The following COL6A6 variants were observed in gnomAD, a reference collection of about 807,000 sequenced individuals.
COL6A6 encodes collagen alpha-6(VI) chain.
Under a neutral mutation model 208.6 loss-of-function variants are expected in COL6A6, and 183 were observed. The observed-to-expected ratio is 0.88, with a 90% CI of 0.78 to 0.99. The LOEUF is 0.99. Ranked by LOEUF, COL6A6 falls within the 50% of genes least tolerant of loss-of-function variation. COL6A6 has a pLI of 0.00. For missense variants in COL6A6, 2,816 were observed against 2,815.2 expected, an observed-to-expected ratio of 1.00 and a Z score of -0.01; for synonymous variants, 973 against 1,011.8, an observed-to-expected ratio of 0.96 and a Z score of 0.73.
At chr3:130,554,213 C>CA (rs2062713700) in intron 1 of COL6A6, among the ~76,000 whole-genome samples, 1 of 152,198 alleles carries the variant, frequency 6.6e-6, no homozygotes. Context: ...TTGGAGTGCA[C>CA]ATTTCTTGGC....
At chr3:130,620,070 C>T (rs1404135841) in intron 23 of COL6A6, among the ~76,000 whole-genome samples, 1 of 152,070 alleles carries the variant, frequency 6.6e-6, no homozygotes, top group Non-Finnish European at 1.5e-5. Context: ...AAGTAGTTGG[C>T]ACTACAGGTG....
chr3:130,552,110 A>G (rs960453693), intron 1 of COL6A6, among the ~76,000 whole-genome samples: 3 of 152,138 alleles, frequency 2.0e-5, no homozygotes, highest in African/African-American at 7.2e-5. Flanking sequence ...AATAATGTAT[A>G]TTCTATTGCT....
intron 18 of COL6A6, among the ~76,000 whole-genome samples, chr3:130,595,374 A>T (rs1431478052): frequency 6.6e-6 from 1 of 152,234 alleles, no homozygotes; most frequent in Non-Finnish European, 1.5e-5. Context: ...AGTTATAAAT[A>T]CACAGCTTAA....
At chr3:130,587,960 A>C (rs150322730) in intron 11 of COL6A6, among the ~76,000 whole-genome samples, 79 of 152,340 alleles carry the variant, frequency 5.2e-4, no homozygotes, top group African/African-American at 1.7e-3. Flanking sequence ...GTTTTTGTAT[A>C]TCATATAAAT....
chr3:130,675,271 T>TA lies in COL6A6; in HGVS notation c.6672dup (p.Tyr2225IlefsTer12). 6.3e-7 allele frequency: 1 copy of TA among 1,586,256 alleles called. No individual in the cohort carries two copies. Among genetic ancestry groups the TA allele is most frequent in the Non-Finnish European group, 8.6e-7 (1 of 1,164,992 alleles). Reference sequence around the variant, plus strand: ...TACAGAAGGCAAAATTCTTTCAAGATAAAAAATATCTTTCAAGAGTAGCAA... The same window carrying TA: ...TACAGAAGGCAAAATTCTTTCAAGATAAAAAAATATCTTTCAAGAGTAGCAA... On this transcript the variant is annotated frameshift_variant, in exon 37 of 37. Transcript: ENST00000358511. LOFTEE classifies it low-confidence loss of function (END_TRUNC).
At chr3:130,581,217 A>G (rs2063412734) in intron 8 of COL6A6, among the ~76,000 whole-genome samples, 1 of 152,202 alleles carries the variant, frequency 6.6e-6, no homozygotes, top group Admixed American at 6.5e-5. Context: ...AAGTAGCATT[A>G]TATGAATGTC....
At chr3:130,564,509 A>G (rs1268984236) in intron 3 of COL6A6, among the ~76,000 whole-genome samples, 1 of 152,246 alleles carries the variant, frequency 6.6e-6, no homozygotes, top group Non-Finnish European at 1.5e-5. Flanking sequence ...GATAATAGAG[A>G]ATGCTTTCCT....
In COL6A6 at chr3:130,567,055, A is replaced by G. The variant is rs181863743; in HGVS notation, c.1636A>G (p.Asn546Asp). 1.2e-4 allele frequency: 198 copies of G among 1,614,046 alleles called. No homozygotes were observed. The highest frequency in any genetic ancestry group is 1.6e-4 in the Non-Finnish European group (190 of 1,179,890). Residue 546 changes from asparagine to aspartate, a missense_variant, in exon 5 of 37, where the codon AAT becomes GAT. Transcript: ENST00000358511. Reference protein sequence around the residue: ...KVPCHLVVLTNGMSKDSILEP... With the variant: ...KVPCHLVVLTDGMSKDSILEP... Reference sequence around the variant, plus strand: ...TCCATGCCACCTTGTTGTCCTGACAAATGGCATGTCCAAGGATAGCATCTT... The same window carrying G: ...TCCATGCCACCTTGTTGTCCTGACAGATGGCATGTCCAAGGATAGCATCTT...
chr3:130,664,016 C>T (rs1167742410), intron 35 of COL6A6, among the ~76,000 whole-genome samples: 1 of 152,212 alleles, frequency 6.6e-6, no homozygotes, highest in Non-Finnish European at 1.5e-5. Context: ...CTTCTCTGAG[C>T]CACTCACTGT....
At chr3:130,653,238 T>G (rs564054401) in intron 33 of COL6A6, among the ~76,000 whole-genome samples, 1 of 152,362 alleles carries the variant, frequency 6.6e-6, no homozygotes, top group South Asian at 2.1e-4. Flanking sequence ...AAGAAATATG[T>G]CTTTTAGCTA....
chr3:130,676,206 G>C lies in COL6A6; in HGVS notation c.*809G>C, dbSNP rs535513521. 6.6e-6 allele frequency: 1 copy of C among 152,276 alleles called. No homozygotes were observed. Among genetic ancestry groups the C allele is most frequent in the South Asian group, 2.1e-4 (1 of 4,822 alleles). 9.4% of individuals were successfully genotyped at this position (152,276 alleles called of 1,614,324 possible). A position where few individuals can be genotyped will look rare whatever the true frequency, so the allele number is the denominator to read the frequency against. On this transcript the variant is annotated 3_prime_UTR_variant, in exon 37 of 37. Coordinates refer to ENST00000358511, the MANE Select transcript of COL6A6 (RefSeq NM_001102608.3). ...AACTACTTGTCATAGATGAAGCTCT[G>C]AGTTACTTTTACCCATCAGGTAGCT...
intron 18 of COL6A6, 56 bp from the exon 19 acceptor site, chr3:130,598,309 T>C: frequency 5.0e-6 from 6 of 1,191,308 alleles, no homozygotes; most frequent in East Asian, 2.5e-5. Context: ...ATAAGTTATA[T>C]GTTTAAGGAG....
chr3:130,589,991 G>T (rs1192723365), intron 12 of COL6A6: 2 of 447,724 alleles, frequency 4.5e-6, no homozygotes, highest in Non-Finnish European at 9.0e-6. Context: ...TAAAGAGAGT[G>T]GTAGATTTTT....
intron 1 of COL6A6, among the ~76,000 whole-genome samples, chr3:130,522,800 T>C (rs1711148710): frequency 6.6e-6 from 1 of 152,186 alleles, no homozygotes; most frequent in African/African-American, 2.4e-5. Flanking sequence ...CTCCAAGTCT[T>C]ACAAATTTAA....
At chr3:130,671,498 T>G (rs2066214438) in intron 36 of COL6A6, among the ~76,000 whole-genome samples, 1 of 152,228 alleles carries the variant, frequency 6.6e-6, no homozygotes, top group African/African-American at 2.4e-5. Flanking sequence ...TACCACTGTC[T>G]GTGCATTCGC....
rs552828870 is a variant in COL6A6, at chr3:130,628,427, T to C, written c.4992+1058T>C. ...AAACATTTATCCCAATTGTGTTACA[T>C]TGCATTTTTAAAAGCTAAAAGGAAA... On this transcript the variant is annotated intron_variant, in intron 26 of 36. Coordinates refer to ENST00000358511, the MANE Select transcript of COL6A6 (RefSeq NM_001102608.3). 8.5e-5 allele frequency among the ~76,000 whole-genome samples: 13 copies of C among 152,332 alleles called. 1 individual carries two copies. The highest frequency in any genetic ancestry group is 3.1e-4 in the African/African-American group (13 of 41,580).
chr3:130,675,510 G>A lies in COL6A6; in HGVS notation c.*113G>A, dbSNP rs2066338034. 1.4e-6 allele frequency: 1 copy of A among 717,710 alleles called. No individual in the cohort carries two copies. Among genetic ancestry groups the A allele is most frequent in the Non-Finnish European group, 2.3e-6 (1 of 444,162 alleles). 44.5% of individuals were successfully genotyped at this position (717,710 alleles called of 1,614,324 possible). A position where few individuals can be genotyped will look rare whatever the true frequency, so the allele number is the denominator to read the frequency against. On this transcript the variant is annotated 3_prime_UTR_variant, in exon 37 of 37. Coordinates refer to ENST00000358511, the MANE Select transcript of COL6A6 (RefSeq NM_001102608.3). ...CAGTTTGTAGGTTATCAGGTGACTT[G>A]ACCCCCTGCATTCATTGGTATTAAG...
intron 1 of COL6A6, among the ~76,000 whole-genome samples, chr3:130,532,844 C>A (rs1391290144): frequency 1.3e-5 from 2 of 152,082 alleles, no homozygotes; most frequent in African/African-American, 2.4e-5. Context: ...TGTCTGGCAC[C>A]TGGGCTGGGA....
At chr3:130,591,394 G>A (rs933299634) in intron 13 of COL6A6, among the ~76,000 whole-genome samples, 1 of 152,030 alleles carries the variant, frequency 6.6e-6, no homozygotes, top group Admixed American at 6.6e-5. Context: ...ATTCTGTAAA[G>A]GTAAACCAAC....
Sources: allele counts gnomAD v4.1 joint callset (sites outside exome capture counted in the v4.1 genomes callset), GRCh38; gene constraint gnomAD v4.1.1; transcripts MANE v1.5; gene names NCBI Gene and HGNC (gene_info 2026-07-23, HGNC 2026-07-21).